Variants in CD99 observed in about 807,000 individuals in gnomAD.
CD99 encodes the protein CD99 molecule (Xg blood group).
A neutral mutation model predicts 28.4 loss-of-function variants in CD99; 19 were observed. The observed-to-expected ratio is 0.67, with a 90% CI of 0.47 to 0.98. The LOEUF (loss-of-function observed/expected upper bound fraction) is 0.98. CD99 is among the 50% of genes least tolerant of loss of function. The pLI is 0.00. For missense variants in CD99, 283 were observed against 248.8 expected, an observed-to-expected ratio of 1.14 and a Z score of -0.92; for synonymous variants, 103 against 92.1, an observed-to-expected ratio of 1.12 and a Z score of -0.67.
At chrX:2,731,896 G>T (rs1311953137) in intron 8 of CD99, among the ~76,000 whole-genome samples, 1 of 151,672 alleles carries the variant, frequency 6.6e-6, no homozygotes, top group Non-Finnish European at 1.5e-5. Context: ...GTTATAGGTT[G>T]GTGCAAAAAT....
chrX:2,726,528 C>G, intron 8 of CD99, 155 bp downstream of exon 8: 1 of 700,730 alleles, frequency 1.4e-6, no homozygotes, highest in South Asian at 1.5e-5. Flanking sequence ...ATCGAACCTT[C>G]TGGCTTTGAT....
intron 9 of CD99, 112 bp from the exon 10 acceptor site, chrX:2,740,667 C>A (rs746860124): frequency 2.0e-6 from 2 of 1,020,316 alleles, no homozygotes; most frequent in African/African-American, 3.2e-5. Flanking sequence ...GTTTTGGGCC[C>A]ATTTTTCTTA....
At chrX:2,738,075 C>T in intron 8 of CD99, 125 bp from the exon 9 acceptor site, 4 of 854,792 alleles carry the variant, frequency 4.7e-6, no homozygotes, top group Non-Finnish European at 8.2e-6. Context: ...GGGTTCAGAA[C>T]TGAGTGCTCT....
chrX:2,717,163 G>T (rs1467746285), intron 2 of CD99, among the ~76,000 whole-genome samples: 1 of 151,960 alleles, frequency 6.6e-6, no homozygotes, highest in Non-Finnish European at 1.5e-5. Flanking sequence ...CCTGGCCAAC[G>T]TGGTGAAACC....
chrX:2,737,878 T>A, intron 8 of CD99: 1 of 500,506 alleles, frequency 2.0e-6, no homozygotes. Context: ...TTTTTTTTTA[T>A]AGAAAGAGCT....
chrX:2,706,961 C>T (rs1290663639), intron 1 of CD99, among the ~76,000 whole-genome samples: 2 of 151,946 alleles, frequency 1.3e-5, no homozygotes, highest in African/African-American at 4.8e-5. Context: ...ACTGGGACTA[C>T]GGGCGTGCAC....
In CD99 at chrX:2,714,408, T is replaced by C; in HGVS notation, c.68-14T>C. On this transcript the variant is annotated splice_polypyrimidine_tract_variant and intron_variant, in intron 1 of 9. Transcript: ENST00000381192. ...TTTTCTTGTTTCTAAGTTGACTCTTTTTTTCTCTCTTAGATGGTGGTTTCG... is the reference window on the plus strand; with the variant it reads ...TTTTCTTGTTTCTAAGTTGACTCTTCTTTTCTCTCTTAGATGGTGGTTTCG... 5 of 1,576,390 alleles carry C rather than the reference T, an allele frequency of 3.2e-6. No individual in the cohort carries two copies. The highest frequency in any genetic ancestry group is 4.3e-6 in the Non-Finnish European group (5 of 1,151,616).
intron 1 of CD99, among the ~76,000 whole-genome samples, chrX:2,709,560 CAT>C (rs897647186): frequency 2.6e-5 from 4 of 152,274 alleles, no homozygotes; most frequent in African/African-American, 4.8e-5. Flanking sequence ...TATGCATGCA[CAT>C]GTGTGCCCAC....
rs1323272232 is a variant in CD99, at chrX:2,717,405, C to T, written c.101-200C>T. ...TCCTGGTCTCTGTGGAAACCATGGC[C>T]GGTAGCAGCCTCTGTGTCTGTCTTC... On this transcript the variant is annotated intron_variant, in intron 2 of 9. Coordinates refer to ENST00000381192, the MANE Select transcript of CD99 (RefSeq NM_002414.5). 8.6e-6 allele frequency: 5 copies of T among 578,880 alleles called. No individual in the cohort carries two copies. The Admixed American group carries it at 9.1e-5, about 11-fold the overall frequency. The allele number at this position is 578,880 out of a possible 1,614,324, so 35.9% of individuals were successfully genotyped here. A position where few individuals can be genotyped will look rare whatever the true frequency, so the allele number is the denominator to read the frequency against.
At chrX:2,730,454 G>C (rs1364040153) in intron 8 of CD99, among the ~76,000 whole-genome samples, 1 of 152,104 alleles carries the variant, frequency 6.6e-6, no homozygotes, top group Non-Finnish European at 1.5e-5. Context: ...TTACAGGCAT[G>C]AGCCACCGTG....
intron 3 of CD99, 94 bp downstream of exon 3, chrX:2,717,746 A>G (rs2048800915): frequency 1.9e-6 from 2 of 1,054,848 alleles, no homozygotes. Context: ...AGAAGACAGA[A>G]GTGATTTGAG....
chrX:2,732,859 A>C (rs2049730972), intron 8 of CD99, among the ~76,000 whole-genome samples: 1 of 115,210 alleles, frequency 8.7e-6, no homozygotes. Flanking sequence ...CTGTTCTTAC[A>C]TGCCTCTTTT....
intron 1 of CD99, among the ~76,000 whole-genome samples, chrX:2,700,561 T>TATCC (rs368305179): frequency 0.046 from 6,905 of 150,006 alleles, 229 homozygotes; most frequent in Middle Eastern, 0.097. Flanking sequence ...TCCATCCATT[T>TATCC]ATCCATCCAT....
intron 8 of CD99, among the ~76,000 whole-genome samples, chrX:2,728,037 G>T (rs2049383474): frequency 6.6e-6 from 1 of 152,042 alleles, no homozygotes; most frequent in Non-Finnish European, 1.5e-5. Context: ...ACATTATTTA[G>T]AGCGTGAAAT....
chrX:2,703,787 G>A (rs2124496822), intron 1 of CD99, among the ~76,000 whole-genome samples: 1 of 152,232 alleles, frequency 6.6e-6, no homozygotes, highest in East Asian at 1.9e-4. Flanking sequence ...CAGTCGGGGA[G>A]TGGCTGGGAT....
chrX:2,691,953 A>C (rs2047325937), intron 1 of CD99: 1 of 777,656 alleles, frequency 1.3e-6, no homozygotes, highest in African/African-American at 1.7e-5. Flanking sequence ...GAGCCCTGAA[A>C]ATGTTCAAAA....
Position 2,693,150 on chromosome X carries a change from GT to G in CD99, c.67+1735del, listed in dbSNP as rs1556296914. ...TTTTTTGTTTTTGTTGGTGGTGGTG[GT>G]TTTTTTTTTTTGGACGGAGTTTCAC... On this transcript the variant is annotated intron_variant, in intron 1 of 9. Transcript: ENST00000381192. Among the ~76,000 whole-genome samples, 143 of 147,012 alleles carry G rather than the reference GT, an allele frequency of 9.7e-4. 1 individual carries two copies. Among genetic ancestry groups the G allele is most frequent in the Non-Finnish European group, 1.3e-3 (85 of 66,414 alleles).
rs2048801040 is a variant in CD99 at position 2,717,748 on chromosome X, T to G, written c.148+96T>G. 5 of 1,061,862 alleles carry G rather than the reference T, an allele frequency of 4.7e-6. No homozygotes were observed. The Admixed American group carries it at 9.0e-5, about 19-fold the overall frequency. 65.8% of individuals were successfully genotyped at this position (1,061,862 alleles called of 1,614,324 possible). ...TAGGCAACTAGAAAGAAGACAGAAGTGATTTGAGTGCTCCGGCTGGAGTCT... is the reference window on the plus strand; with the variant it reads ...TAGGCAACTAGAAAGAAGACAGAAGGGATTTGAGTGCTCCGGCTGGAGTCT... On this transcript the variant is annotated intron_variant, in intron 3 of 9. Coordinates refer to ENST00000381192, the MANE Select transcript of CD99 (RefSeq NM_002414.5).
At chrX:2,713,981 A>T (rs1204730990) in intron 1 of CD99, among the ~76,000 whole-genome samples, 1 of 152,090 alleles carries the variant, frequency 6.6e-6, no homozygotes, top group Admixed American at 6.5e-5. Flanking sequence ...TTTTTTTTTA[A>T]TGCATAATGC....
Sources: gnomAD v4.1 joint callset for allele counts (sites outside exome capture counted in the v4.1 genomes callset) on GRCh38, gnomAD v4.1.1 for gene constraint, MANE v1.5 for transcripts, NCBI Gene and HGNC (gene_info 2026-07-23, HGNC 2026-07-21) for gene names.